CTNNA3: variants seen among roughly 807,000 people sequenced by gnomAD.
CTNNA3 encodes the protein catenin alpha 3.
In CTNNA3, 76 loss-of-function variants were observed where a neutral mutation model predicts 95.7. That is an observed-to-expected ratio of 0.79 (90% CI 0.66 to 0.96). The LOEUF is 0.96. Among genes scored for constraint, CTNNA3 ranks in the 40% least tolerant of loss-of-function variants. The pLI, the probability that CTNNA3 is intolerant of heterozygous loss-of-function variation, is 0.00. For missense variants in CTNNA3, 1,191 were observed against 1,089.8 expected (o/e 1.09, Z -1.31); for synonymous variants, 431 against 374.4 (o/e 1.15, Z -1.74).
At chr10:66,130,984 C>CT (rs1484265941) in intron 13 of CTNNA3, among the ~76,000 whole-genome samples, 1 of 150,420 alleles carries the variant, frequency 6.6e-6, no homozygotes, top group African/African-American at 2.4e-5. Context: ...AGACAACCTT[C>CT]TAAGACTGAA....
intron 5 of CTNNA3, among the ~76,000 whole-genome samples, chr10:67,423,483 G>A (rs1845818023): frequency 6.6e-6 from 1 of 152,162 alleles, no homozygotes; most frequent in Non-Finnish European, 1.5e-5. Flanking sequence ...CCTGAGAACA[G>A]AGCCAACTCA....
intron 10 of CTNNA3, among the ~76,000 whole-genome samples, chr10:66,603,704 A>C (rs577205678): frequency 6.6e-5 from 10 of 152,288 alleles, no homozygotes; most frequent in Non-Finnish European, 1.5e-4. Flanking sequence ...AGTAACTAAA[A>C]CAGTATGGTA....
intron 9 of CTNNA3, among the ~76,000 whole-genome samples, chr10:66,751,134 G>GGA (rs1320511634): frequency 6.6e-6 from 1 of 151,992 alleles, no homozygotes; most frequent in Non-Finnish European, 1.5e-5. Context: ...CAGGCATGGT[G>GGA]GTGCATGCCT....
At chr10:66,768,021 T>C (rs1351288483) in intron 8 of CTNNA3, among the ~76,000 whole-genome samples, 2 of 152,150 alleles carry the variant, frequency 1.3e-5, no homozygotes, top group Non-Finnish European at 2.9e-5. Flanking sequence ...ACTGAATGAA[T>C]AATGTGTTTG....
chr10:66,404,924 T>C (rs1406973830), intron 11 of CTNNA3, among the ~76,000 whole-genome samples: 1 of 152,088 alleles, frequency 6.6e-6, no homozygotes, highest in Admixed American at 6.6e-5. Context: ...GGGCAGAACA[T>C]TCCAAAGAGA....
At chr10:67,554,442 C>T (rs886820012) in intron 3 of CTNNA3, among the ~76,000 whole-genome samples, 4 of 152,138 alleles carry the variant, frequency 2.6e-5, no homozygotes, top group Non-Finnish European at 4.4e-5. Context: ...TTCTAATGAT[C>T]GCCATTCTAA....
intron 5 of CTNNA3, among the ~76,000 whole-genome samples, chr10:67,429,675 T>G (rs1399236143): frequency 2.0e-5 from 3 of 152,054 alleles, no homozygotes; most frequent in African/African-American, 7.2e-5. Context: ...TATTTTTGCC[T>G]GATCAATTGT....
At chr10:67,135,429 C>T (rs1860248793) in intron 7 of CTNNA3, among the ~76,000 whole-genome samples, 1 of 152,144 alleles carries the variant, frequency 6.6e-6, no homozygotes, top group Non-Finnish European at 1.5e-5. Context: ...AATCCCAGTA[C>T]TTTGGGAGAC....
At chr10:65,926,074 A>G (rs982135537) in intron 17 of CTNNA3, among the ~76,000 whole-genome samples, 1 of 150,076 alleles carries the variant, frequency 6.7e-6, no homozygotes. Flanking sequence ...TATATAATAG[A>G]TTACATACAT....
chr10:65,921,638 T>C (rs2077087693), intron 17 of CTNNA3, among the ~76,000 whole-genome samples: 1 of 147,562 alleles, frequency 6.8e-6, no homozygotes, highest in Non-Finnish European at 1.5e-5. Flanking sequence ...GCACCTGGTC[T>C]GTCACCTGGG....
chr10:66,072,870 G>T (rs2080470375), intron 14 of CTNNA3, among the ~76,000 whole-genome samples: 1 of 152,162 alleles, frequency 6.6e-6, no homozygotes, highest in Admixed American at 6.6e-5. Flanking sequence ...AAATAAAATT[G>T]TAAGTACTTA....
At chr10:67,714,010 G>A (rs534476960) in intron 1 of CTNNA3, among the ~76,000 whole-genome samples, 2 of 152,216 alleles carry the variant, frequency 1.3e-5, no homozygotes, top group Admixed American at 6.5e-5. Context: ...GAAGATGTAC[G>A]GAAATGCCTA....
At chr10:66,292,765 G>A (rs1263708577) in intron 12 of CTNNA3, among the ~76,000 whole-genome samples, 1 of 152,036 alleles carries the variant, frequency 6.6e-6, no homozygotes, top group Non-Finnish European at 1.5e-5. Flanking sequence ...TTCTACCTCT[G>A]GAATTCTCCA....
chr10:66,115,610 G>A (rs1311997594), intron 13 of CTNNA3, among the ~76,000 whole-genome samples: 1 of 151,702 alleles, frequency 6.6e-6, no homozygotes, highest in Admixed American at 6.6e-5. Context: ...GATAGAGATA[G>A]AGATAGAGAT....
intron 7 of CTNNA3, among the ~76,000 whole-genome samples, chr10:67,058,411 C>T (rs1855566788): frequency 6.6e-6 from 1 of 152,172 alleles, no homozygotes; most frequent in Non-Finnish European, 1.5e-5. Flanking sequence ...ACCACAGGTA[C>T]AATTTCTGGC....
At chr10:66,431,739 G>A (rs185112250) in intron 11 of CTNNA3, among the ~76,000 whole-genome samples, 1,696 of 126,932 alleles carry the variant, frequency 0.013, 15 homozygotes, top group Non-Finnish European at 0.02. Context: ...ACACACTAGG[G>A]CCTGTTGTGG....
chr10:66,553,063 G>T (rs1216375577), intron 10 of CTNNA3, among the ~76,000 whole-genome samples: 1 of 151,758 alleles, frequency 6.6e-6, no homozygotes, highest in Non-Finnish European at 1.5e-5. Context: ...TTATTTTGCT[G>T]CCTTAAATTC....
chr10:66,977,938 T>C (rs932056275), intron 7 of CTNNA3, among the ~76,000 whole-genome samples: 4 of 152,134 alleles, frequency 2.6e-5, no homozygotes, highest in Admixed American at 6.6e-5. Context: ...CCAAAACATA[T>C]TTTAGGAAAA....
At chr10:66,006,490 T>G (rs538046437) in intron 15 of CTNNA3, among the ~76,000 whole-genome samples, 4 of 152,174 alleles carry the variant, frequency 2.6e-5, no homozygotes, top group Admixed American at 2.6e-4. Context: ...AGGTCTTTTC[T>G]TGCCTTCCAC....
Sources: allele counts gnomAD v4.1 joint callset (sites outside exome capture counted in the v4.1 genomes callset), GRCh38; gene constraint gnomAD v4.1.1; transcripts MANE v1.5; gene names NCBI Gene and HGNC (gene_info 2026-07-23, HGNC 2026-07-21).